The following UTP20 variants were observed in gnomAD, a reference collection of about 807,000 sequenced individuals.
UTP20 encodes UTP20 small subunit processome component.
UTP20 carries 164 observed loss-of-function variants against 329.5 expected under a neutral mutation model. The ratio of observed to expected loss-of-function variants is 0.50; its 90% CI spans 0.44 to 0.57. The LOEUF (loss-of-function observed/expected upper bound fraction) is 0.57, where lower values mean the gene tolerates loss of function less well. UTP20 is among the 20% of genes least tolerant of loss of function. The pLI, the probability that UTP20 is intolerant of heterozygous loss-of-function variation, is 0.00. For synonymous variants in UTP20, 1,151 were observed against 1,159.3 expected, an observed-to-expected ratio of 0.99 and a Z score of 0.14; for missense variants, 3,055 against 3,284.2, an observed-to-expected ratio of 0.93 and a Z score of 1.71.
At chr12:101,366,824 T>G in intron 47 of UTP20, 125 bp downstream of exon 47, 12 of 1,284,106 alleles carry the variant, frequency 9.3e-6, no homozygotes, top group Non-Finnish European at 1.2e-5. Flanking sequence ...ATTTTAGATT[T>G]TTTTTTTTTA....
intron 60 of UTP20, 62 bp from the exon 61 acceptor site, chr12:101,385,521 G>A: frequency 6.5e-7 from 1 of 1,536,606 alleles, no homozygotes; most frequent in Middle Eastern, 2.1e-4. Context: ...TGTTGATTTT[G>A]TTGATGTTCA....
At chr12:101,377,662 A>C (rs544251469) in intron 56 of UTP20, among the ~76,000 whole-genome samples, 2 of 151,796 alleles carry the variant, frequency 1.3e-5, no homozygotes, top group East Asian at 3.9e-4. Context: ...TTTCCTTTAC[A>C]CGGAGGGGAG....
At chr12:101,342,385 G>T (rs1869168619) in intron 32 of UTP20, 61 bp from the exon 33 acceptor site, 3 of 1,358,096 alleles carry the variant, frequency 2.2e-6, no homozygotes, top group South Asian at 3.0e-5. Flanking sequence ...ATATATTAAA[G>T]TATAAGTTGA....
At position 101,369,875 on chromosome 12, in the gene UTP20, T is replaced by A; in HGVS notation, c.6539T>A (p.Val2180Glu). ...GAARGQNFHL[V>E]VNCFKCVTIL... ...GCCAGGGGCCAGAACTTCCACCTTG[T>A]GGTCAATTGTTTCAAGGTGAGATGT... Residue 2180 changes from valine (V) to glutamate (E), a missense_variant, in exon 49 of 62, where the codon GTG becomes GAG. Val to Glu is a moderately radical substitution (Grantham distance 121, BLOSUM62 -2). Coordinates refer to ENST00000261637, the MANE Select transcript of UTP20 (RefSeq NM_014503.3). 6.2e-7 allele frequency: 1 copy of A among 1,613,806 alleles called. No homozygotes were observed. Among genetic ancestry groups the A allele is most frequent in the Non-Finnish European group, 8.5e-7 (1 of 1,179,886 alleles).
At chr12:101,288,331 G>A (rs1441052189) in intron 5 of UTP20, among the ~76,000 whole-genome samples, 1 of 152,184 alleles carries the variant, frequency 6.6e-6, no homozygotes, top group Non-Finnish European at 1.5e-5. Context: ...ATTTAACAAT[G>A]TGATTATATA....
chr12:101,337,208 C>T (rs1431836231), intron 29 of UTP20, among the ~76,000 whole-genome samples: 1 of 152,182 alleles, frequency 6.6e-6, no homozygotes, highest in Non-Finnish European at 1.5e-5. Context: ...CTACCCGTAC[C>T]ATGCACAGTA....
At chr12:101,378,890 T>C (rs1039638293) in intron 56 of UTP20, among the ~76,000 whole-genome samples, 3 of 152,092 alleles carry the variant, frequency 2.0e-5, no homozygotes, top group African/African-American at 7.2e-5. Flanking sequence ...CTCTCCCACC[T>C]CACTTCTCTC....
At chr12:101,349,659 T>G (rs1034194194) in intron 38 of UTP20, among the ~76,000 whole-genome samples, 1 of 152,188 alleles carries the variant, frequency 6.6e-6, no homozygotes, top group African/African-American at 2.4e-5. Context: ...CAGGCTGGTC[T>G]CGAACTCCTG....
chr12:101,286,574 G>A, intron 5 of UTP20, 65 bp downstream of exon 5: 1 of 1,359,666 alleles, frequency 7.4e-7, no homozygotes, highest in South Asian at 1.8e-5. Flanking sequence ...GCTTCTTTAT[G>A]ACTCCAAACC....
intron 38 of UTP20, among the ~76,000 whole-genome samples, chr12:101,349,148 T>C (rs1157302813): frequency 6.6e-6 from 1 of 152,106 alleles, no homozygotes; most frequent in Non-Finnish European, 1.5e-5. Context: ...GTAATGTGTT[T>C]GGGGTTTTTT....
chr12:101,353,086 C>T lies in UTP20; in HGVS notation c.5064C>T (p.His1688=), dbSNP rs1391753731. Residue 1688 remains histidine (H), a synonymous_variant, in exon 40 of 62, where the codon CAC becomes CAT. Coordinates refer to ENST00000261637, the MANE Select transcript of UTP20 (RefSeq NM_014503.3). ...TGTTAGAAGCATTCCACTTTGACCA[C>T]AAAACTCTTGAAGAACAAATGGGAA... ...VIVLEAFHFD[H]KTLEEQMGKI... is the part of the protein sequence containing the mutation. 6.3e-7 allele frequency: 1 copy of T among 1,597,120 alleles called. No homozygotes were observed. The highest frequency in any genetic ancestry group is 8.6e-7 in the Non-Finnish European group (1 of 1,169,124).
chr12:101,333,285 G>C lies in UTP20; in HGVS notation c.3418-16G>C. On this transcript the variant is annotated splice_polypyrimidine_tract_variant and intron_variant, in intron 27 of 61. Transcript: ENST00000261637. ...ATACATATGTATTTTTTGAACAGAA[G>C]ATCTTTGTTTTACAGATACAGCTGA... The C allele has an allele frequency of 6.2e-7, 1 of 1,609,616 alleles. No homozygotes were observed. The highest frequency in any genetic ancestry group is 1.7e-5 in the Admixed American group (1 of 59,326).
Position 101,340,937 on chromosome 12 carries a change from C to CTTTTTTTTTTTTTTTTTTTTTTTTTT in UTP20, c.4101+357_4101+382dup, listed in dbSNP as rs71091488. 3.6e-5 allele frequency among the ~76,000 whole-genome samples: 3 copies of CTTTTTTTTTTTTTTTTTTTTTTTTTT among 83,026 alleles called. 1 individual carries two copies. Among genetic ancestry groups the CTTTTTTTTTTTTTTTTTTTTTTTTTT allele is most frequent in the Non-Finnish European group, 5.5e-5 (2 of 36,508 alleles). 54.5% of individuals were successfully genotyped at this position (83,026 alleles called of 152,430 possible). ...GAACCCAAGAAGTGCATTGTGTAATCTTTTTTTTTTTTTTTTTTTTTTTTT... is the reference window on the plus strand; with the variant it reads ...GAACCCAAGAAGTGCATTGTGTAATCTTTTTTTTTTTTTTTTTTTTTTTTTTTTTTTTTTTTTTTTTTTTTTTTTTT... On this transcript the variant is annotated intron_variant, in intron 32 of 61. Transcript: ENST00000261637.
chr12:101,282,317 A>T (rs962974965), intron 2 of UTP20, among the ~76,000 whole-genome samples: 2 of 152,184 alleles, frequency 1.3e-5, no homozygotes, highest in Admixed American at 6.5e-5. Flanking sequence ...AATTTTGTTT[A>T]TATAGGTTTT....
In UTP20 at chr12:101,299,958, C is replaced by T. The variant is rs1244709079; in HGVS notation, c.1587-15C>T. On this transcript the variant is annotated splice_polypyrimidine_tract_variant and intron_variant, in intron 13 of 61. Transcript: ENST00000261637. ...TGCCAGTTTGAACTTTTCCCTTTTT[C>T]TCCCCCTTGGACAGACCTCTTGAGA... 2 of 1,611,316 alleles carry T rather than the reference C, an allele frequency of 1.2e-6. No individual in the cohort carries two copies. Among genetic ancestry groups the T allele is most frequent in the East Asian group, 4.5e-5 (2 of 44,882 alleles).
At chr12:101,334,750 G>A (rs1868878173) in intron 29 of UTP20, among the ~76,000 whole-genome samples, 1 of 152,204 alleles carries the variant, frequency 6.6e-6, no homozygotes, top group Non-Finnish European at 1.5e-5. Context: ...GGCAGAGGCA[G>A]GATTGCTTGA....
At chr12:101,350,086 T>C (rs1869466699) in intron 38 of UTP20, among the ~76,000 whole-genome samples, 1 of 152,202 alleles carries the variant, frequency 6.6e-6, no homozygotes, top group Non-Finnish European at 1.5e-5. Context: ...CATGCTCATA[T>C]TTTTCTCTCA....
intron 12 of UTP20, among the ~76,000 whole-genome samples, chr12:101,296,329 T>G (rs1250727575): frequency 6.6e-6 from 1 of 152,036 alleles, no homozygotes; most frequent in Admixed American, 6.6e-5. Flanking sequence ...CCCAGCACTT[T>G]GGGAGGCCGA....
chr12:101,304,127 C>T (rs1872595121), intron 15 of UTP20, among the ~76,000 whole-genome samples: 1 of 152,176 alleles, frequency 6.6e-6, no homozygotes, highest in African/African-American at 2.4e-5. Context: ...AGTTGTCCAA[C>T]AGGAGTGGCT....
Sources: gnomAD v4.1 joint callset for allele counts (sites outside exome capture counted in the v4.1 genomes callset) on GRCh38, gnomAD v4.1.1 for gene constraint, MANE v1.5 for transcripts, NCBI Gene and HGNC (gene_info 2026-07-23, HGNC 2026-07-21) for gene names.